Variants in TMEM53 observed in about 807,000 individuals in gnomAD.
TMEM53 encodes the protein novel DUF829 domain-containing protein.
A neutral mutation model predicts 21.4 loss-of-function variants in TMEM53; 14 were observed. The observed-to-expected ratio is 0.65, with a 90% CI of 0.43 to 1.02. The LOEUF (loss-of-function observed/expected upper bound fraction) is 1.02, where lower values mean the gene tolerates loss of function less well. Ranked by LOEUF, TMEM53 falls within the 50% of genes least tolerant of loss-of-function variation. The probability of loss-of-function intolerance (pLI) is 0.00; values close to 1 mark genes in which losing one functional copy is unlikely to be tolerated. For synonymous variants in TMEM53, 148 were observed against 157.4 expected, an observed-to-expected ratio of 0.94 and a Z score of 0.45; for missense variants, 323 against 383.6, an observed-to-expected ratio of 0.84 and a Z score of 1.32.
intron 1 of TMEM53, 45 bp from the exon 2 acceptor site, chr1:44,660,340 G>A (rs1298257018): frequency 6.3e-7 from 1 of 1,577,062 alleles, no homozygotes; most frequent in East Asian, 2.3e-5. Context: ...TGGGGTGGGG[G>A]CGGGGGTGAC....
Position 44,654,954 on chromosome 1 carries a change from C to T in TMEM53, c.439G>A (p.Gly147Ser), listed in dbSNP as rs772300142. 3.7e-6 allele frequency: 6 copies of T among 1,613,738 alleles called. No individual in the cohort carries two copies. The Admixed American group carries it at 5.0e-5, about 13-fold the overall frequency. The change falls in exon 3 of 3, where the codon GGT (glycine) becomes AGT (serine). Residue 147 changes from glycine to serine, a missense_variant. Physicochemically the swap from Gly to Ser is moderately conservative, Grantham distance 56 (BLOSUM62 0). Coordinates refer to ENST00000372237, the MANE Select transcript of TMEM53 (RefSeq NM_024587.4). This position sits in a 1 kb window ranked among gnomAD's most constrained non-coding sequence, Gnocchi z 7.0. ...AGAGCCCCTACCAGGTTGCTGTCAC[C>T]AGGAGCGCTGTCAAAGATGGTGCCC... ...VVGTIFDSAP[G>S]DSNLVGALRA...
rs1284841518 is a variant in TMEM53, at chr1:44,654,336, G to C, written c.*223C>G. The C allele has an allele frequency of 8.9e-6, 5 of 560,920 alleles. No individual in the cohort carries two copies. Among genetic ancestry groups the C allele is most frequent in the Non-Finnish European group, 1.3e-5 (4 of 317,344 alleles). 34.7% of individuals were successfully genotyped at this position (560,920 alleles called of 1,614,324 possible). On this transcript the variant is annotated 3_prime_UTR_variant, in exon 3 of 3. Transcript: ENST00000372237. The surrounding 1 kb of genome is among the most constrained non-coding windows in gnomAD (Gnocchi z 7.0). The stretch of plus-strand genomic sequence containing the variant: ...CACAACTGACTGCAAGGCTCCCACA[G>C]ACACATGCCCAGGCACTCCTGCCCC...
intron 1 of TMEM53, among the ~76,000 whole-genome samples, chr1:44,669,402 G>C (rs1207880595): frequency 6.6e-6 from 1 of 152,116 alleles, no homozygotes; most frequent in East Asian, 1.9e-4. Context: ...CTTTCTTTGT[G>C]CATGTCCCTA....
intron 1 of TMEM53, among the ~76,000 whole-genome samples, chr1:44,670,663 C>T (rs1488156941): frequency 6.6e-6 from 1 of 152,168 alleles, no homozygotes; most frequent in Non-Finnish European, 1.5e-5. Flanking sequence ...ATTTCTTTGA[C>T]CTCAGCCAGT....
chr1:44,654,795 A>C lies in TMEM53; in HGVS notation c.598T>G (p.Tyr200Asp). The C allele has an allele frequency of 6.2e-7, 1 of 1,613,918 alleles. No homozygotes were observed. Among genetic ancestry groups the C allele is most frequent in the Non-Finnish European group, 8.5e-7 (1 of 1,180,036 alleles). The change falls in exon 3 of 3, where the codon TAT (tyrosine) becomes GAT (aspartate). Residue 200 changes from tyrosine to aspartate, a missense_variant. This residue lies in a region of TMEM53 where 269 missense variants were observed against 334.5 expected (regional missense o/e 0.80). Coordinates refer to ENST00000372237, the MANE Select transcript of TMEM53 (RefSeq NM_024587.4). The surrounding 1 kb of genome is among the most constrained non-coding windows in gnomAD (Gnocchi z 7.0). ...GAGCCCGCGTCCTGTAGCCTGTCAT[A>C]GAAGTGGGTGTGGAAGAGGGCTGTG... ...PITALFHTHF[Y>D]DRLQDAGSRW...
At chr1:44,660,509 A>G (rs1423820882) in intron 1 of TMEM53, among the ~76,000 whole-genome samples, 2 of 152,174 alleles carry the variant, frequency 1.3e-5, no homozygotes, top group African/African-American at 4.8e-5. Context: ...ACAAACCAAC[A>G]CAAGGGCACC....
In TMEM53 at chr1:44,654,910, G is replaced by T; in HGVS notation, c.483C>A (p.Ile161=). The T allele has an allele frequency of 6.2e-7, 1 of 1,613,004 alleles. No individual in the cohort carries two copies. The highest frequency in any genetic ancestry group is 8.5e-7 in the Non-Finnish European group (1 of 1,179,714). ...LVGALRALAA[I]LERRAAMLRL... ...GCAGCATGGCGGCCCGGCGCTCCAGGATGGCTGCCAGGGCCCGCAGAGCCC... is the reference window on the plus strand; with the variant it reads ...GCAGCATGGCGGCCCGGCGCTCCAGTATGGCTGCCAGGGCCCGCAGAGCCC... Residue 161 remains isoleucine, a synonymous_variant, in exon 3 of 3, where the codon ATC becomes ATA. Transcript: ENST00000372237. This position sits in a 1 kb window ranked among gnomAD's most constrained non-coding sequence, Gnocchi z 7.0.
intron 1 of TMEM53, among the ~76,000 whole-genome samples, chr1:44,673,230 C>CT (rs1645028933): frequency 6.6e-6 from 1 of 152,242 alleles, no homozygotes; most frequent in African/African-American, 2.4e-5. Context: ...AGTCTAAGGG[C>CT]TGCCCTCTCC....
chr1:44,669,322 A>T (rs190012313), intron 1 of TMEM53, among the ~76,000 whole-genome samples: 3 of 152,276 alleles, frequency 2.0e-5, no homozygotes, highest in African/African-American at 7.2e-5. Flanking sequence ...ATGGTGACCA[A>T]ATCTCCCATT....
At chr1:44,660,363 A>G (rs3850854) in intron 1 of TMEM53, 68 bp from the exon 2 acceptor site, 20,868 of 1,542,622 alleles carry the variant, frequency 0.014, 738 homozygotes, top group Admixed American at 0.11. Context: ...CCCAATCCAG[A>G]GTCAGCAGCA....
intron 1 of TMEM53, among the ~76,000 whole-genome samples, chr1:44,666,176 A>G (rs1374817240): frequency 1.3e-5 from 2 of 152,230 alleles, no homozygotes; most frequent in African/African-American, 4.8e-5. Context: ...CAAAGCCACT[A>G]TGAGGTATCT....
At chr1:44,657,142 T>A (rs1042799678) in intron 2 of TMEM53, among the ~76,000 whole-genome samples, 5 of 151,998 alleles carry the variant, frequency 3.3e-5, no homozygotes, top group Admixed American at 2.0e-4. Context: ...TGCAGTGAGC[T>A]ATGATTGCAC....
chr1:44,659,975 C>G (rs1644885274), intron 2 of TMEM53, among the ~76,000 whole-genome samples, 199 bp downstream of exon 2: 1 of 151,582 alleles, frequency 6.6e-6, no homozygotes, highest in Non-Finnish European at 1.5e-5. Context: ...TCTCCTGCCT[C>G]AGCCTCCCAA....
chr1:44,657,145 G>C (rs1352484649), intron 2 of TMEM53, among the ~76,000 whole-genome samples: 2 of 152,200 alleles, frequency 1.3e-5, no homozygotes, highest in East Asian at 3.8e-4. Flanking sequence ...AGTGAGCTAT[G>C]ATTGCACCAC....
intron 1 of TMEM53, among the ~76,000 whole-genome samples, chr1:44,671,523 A>G (rs1645000472): frequency 6.6e-6 from 1 of 152,186 alleles, no homozygotes. Flanking sequence ...GCACTTTGGG[A>G]GGCTGCGATA....
chr1:44,672,013 AAGAC>A (rs1645006447), intron 1 of TMEM53, among the ~76,000 whole-genome samples: 1 of 152,246 alleles, frequency 6.6e-6, no homozygotes, highest in African/African-American at 2.4e-5. Flanking sequence ...GTAATTGCAA[AAGAC>A]AGACAATCTC....
At chr1:44,670,416 C>T (rs1644989516) in intron 1 of TMEM53, among the ~76,000 whole-genome samples, 1 of 152,166 alleles carries the variant, frequency 6.6e-6, no homozygotes, top group African/African-American at 2.4e-5. Flanking sequence ...GCAGGCCTGA[C>T]ACTGCTTAGC....
chr1:44,666,194 C>A (rs368333600), intron 1 of TMEM53, among the ~76,000 whole-genome samples: 2 of 152,140 alleles, frequency 1.3e-5, no homozygotes, highest in Non-Finnish European at 2.9e-5. Flanking sequence ...TCTCTTTATA[C>A]CCAGGATGGC....
At chr1:44,658,307 G>A (rs1174353067) in intron 2 of TMEM53, among the ~76,000 whole-genome samples, 1 of 152,020 alleles carries the variant, frequency 6.6e-6, no homozygotes, top group Non-Finnish European at 1.5e-5. Flanking sequence ...CCTCTACCCA[G>A]GAGGTGCCCA....
Sources: allele counts gnomAD v4.1 joint callset (sites outside exome capture counted in the v4.1 genomes callset), GRCh38; gene constraint gnomAD v4.1.1; regional missense constraint gnomAD v4.1.1; non-coding constraint Gnocchi (gnomAD v3.1); transcripts MANE v1.5; gene names NCBI Gene and HGNC (gene_info 2026-07-23, HGNC 2026-07-21).